RASGRP3: variants seen among roughly 807,000 people sequenced by gnomAD.
The protein encoded by RASGRP3 is ras guanyl-releasing protein 3.
RASGRP3 carries 54 observed loss-of-function variants against 82.7 expected under a neutral mutation model. The observed-to-expected ratio is 0.65, with a 90% confidence interval of 0.52 to 0.82. The LOEUF (loss-of-function observed/expected upper bound fraction) is 0.82, where lower values mean the gene tolerates loss of function less well. Ranked by LOEUF, RASGRP3 falls within the 40% of genes least tolerant of loss-of-function variation. The probability of loss-of-function intolerance (pLI) is 0.00; values close to 1 mark genes in which losing one functional copy is unlikely to be tolerated. For missense variants in RASGRP3, 861 were observed against 828.9 expected (o/e 1.04, Z -0.48); for synonymous variants, 309 against 300.5 (o/e 1.03, Z -0.29).
intron 1 of RASGRP3, chr2:33,482,712 T>C (rs1414971123): frequency 1.3e-5 from 2 of 152,344 alleles, no homozygotes; most frequent in African/African-American, 4.8e-5. Context: ...GTTCATTGTA[T>C]GACAGCATCA....
intron 2 of RASGRP3, among the ~76,000 whole-genome samples, chr2:33,460,966 C>T (rs1666329901): frequency 1.3e-5 from 2 of 152,240 alleles, no homozygotes; most frequent in South Asian, 4.1e-4. Flanking sequence ...ACCTATCAAA[C>T]TTCACTGCTT....
chr2:33,444,630 C>G (rs1270370255), intron 1 of RASGRP3, among the ~76,000 whole-genome samples: 2 of 152,114 alleles, frequency 1.3e-5, no homozygotes, highest in Non-Finnish European at 2.9e-5. Context: ...ACAGTCATCT[C>G]CATTCTGAAA....
chr2:33,477,600 A>G (rs139303483), intron 1 of RASGRP3, among the ~76,000 whole-genome samples: 316 of 152,332 alleles, frequency 2.1e-3, no homozygotes, highest in African/African-American at 7.3e-3. Context: ...ATTCAGCAGT[A>G]ATGGTGCTTG....
intron 1 of RASGRP3, among the ~76,000 whole-genome samples, chr2:33,444,889 G>A (rs1665423002): frequency 6.6e-6 from 1 of 152,100 alleles, no homozygotes; most frequent in South Asian, 2.1e-4. Flanking sequence ...TTAGGTATAG[G>A]AATAGATTCA....
At chr2:33,549,022 G>A (rs1355115019) in intron 13 of RASGRP3, among the ~76,000 whole-genome samples, 4 of 152,070 alleles carry the variant, frequency 2.6e-5, no homozygotes, top group Non-Finnish European at 2.9e-5. Flanking sequence ...AGAAGTCAGC[G>A]TATGTGGTGA....
rs758353940 is a variant in RASGRP3 at position 33,555,592 on chromosome 2, A to G, written c.1579+25A>G. ...GGTAAATCAATGTTATTTTGTTACA[A>G]TTTTTAAAATGTGACATTTTGGGTA... is the stretch of plus-strand genomic sequence containing the variant. On this transcript the variant is annotated intron_variant, in intron 15 of 17. Coordinates refer to ENST00000403687, the MANE Select transcript of RASGRP3 (RefSeq NM_001139488.2). 4.5e-6 allele frequency: 7 copies of G among 1,542,832 alleles called. No individual in the cohort carries two copies. In the Admixed American group the frequency reaches 5.4e-5, roughly 12 times the overall value.
Position 33,564,332 on chromosome 2 carries a change from A to AGTT in RASGRP3, c.*1596_*1598dup, listed in dbSNP as rs1398096324. 1 of 151,940 alleles carries AGTT rather than the reference A, an allele frequency of 6.6e-6. No homozygotes were observed. Among genetic ancestry groups the AGTT allele is most frequent in the African/African-American group, 2.4e-5 (1 of 41,426 alleles). The allele number at this position is 151,940 out of a possible 1,614,324, so 9.4% of individuals were successfully genotyped here. On this transcript the variant is annotated 3_prime_UTR_variant, in exon 18 of 18. Coordinates refer to ENST00000403687, the MANE Select transcript of RASGRP3 (RefSeq NM_001139488.2). ...ATTGGAAATACTGCAGATGATGTGA[A>AGTT]GTTATCAGTTGGAGGAGCTGTGATT... is the stretch of plus-strand genomic sequence containing the variant.
rs1355665411 is a variant in RASGRP3, at chr2:33,563,555, A to AAAT, written c.*820_*822dup. On this transcript the variant is annotated 3_prime_UTR_variant, in exon 18 of 18. Transcript: ENST00000403687. ...ATCTTTCTTAAGATTCCTGAAGTAG[A>AAAT]AATAGCAATTAAGAAATTAATTCAA... 2.6e-5 allele frequency: 4 copies of AAAT among 151,994 alleles called. No individual in the cohort carries two copies. The highest frequency in any genetic ancestry group is 4.2e-4 in the South Asian group (2 of 4,812). The allele number at this position is 151,994 out of a possible 1,614,324, so 9.4% of individuals were successfully genotyped here.
At chr2:33,519,356 C>T (rs1671781055) in intron 4 of RASGRP3, among the ~76,000 whole-genome samples, 1 of 152,188 alleles carries the variant, frequency 6.6e-6, no homozygotes, top group Middle Eastern at 3.2e-3. Flanking sequence ...GTGGCTCACA[C>T]CTGTAATCCC....
chr2:33,507,142 T>C (rs1191311700), intron 1 of RASGRP3, among the ~76,000 whole-genome samples: 3 of 152,202 alleles, frequency 2.0e-5, no homozygotes, highest in African/African-American at 7.2e-5. Flanking sequence ...ACACATGTAA[T>C]TCCAGCACTT....
chr2:33,532,419 A>T (rs1484538120), intron 10 of RASGRP3: 6 of 151,876 alleles, frequency 4.0e-5, no homozygotes, highest in Non-Finnish European at 8.8e-5. Flanking sequence ...ATTTTTTTTT[A>T]TTGTGGCGCT....
At chr2:33,527,096 G>A (rs756607086) in intron 9 of RASGRP3, 41 bp from the exon 10 acceptor site, 7 of 1,605,334 alleles carry the variant, frequency 4.4e-6, no homozygotes, top group Non-Finnish European at 5.1e-6. Context: ...TGTGCAGGAG[G>A]GAAAGTTGTT....
At chr2:33,449,372 G>A (rs750145797) in intron 2 of RASGRP3, among the ~76,000 whole-genome samples, 1 of 152,064 alleles carries the variant, frequency 6.6e-6, no homozygotes, top group Admixed American at 6.6e-5. Flanking sequence ...GACATAATAC[G>A]TTATACTATG....
At chr2:33,474,853 C>T (rs1041250188), upstream of RASGRP3, among the ~76,000 whole-genome samples, 1 of 152,192 alleles carries the variant, frequency 6.6e-6, no homozygotes, top group Non-Finnish European at 1.5e-5. Flanking sequence ...CAAGAATGGA[C>T]TAATACAACT....
Position 33,498,547 on chromosome 2 carries a change from C to A in RASGRP3, c.-260-13163C>A, listed in dbSNP as rs578213138. ...ATGTTCAGAACATGATAGTCCCTCT[C>A]TCCCCTTCAAAATGGTTTTGAGTGA... is the stretch of plus-strand genomic sequence containing the variant. On this transcript the variant is annotated intron_variant, in intron 1 of 17. Coordinates refer to ENST00000403687, the MANE Select transcript of RASGRP3 (RefSeq NM_001139488.2). Among the ~76,000 whole-genome samples the A allele has an allele frequency of 9.8e-5, 15 of 152,316 alleles. No individual in the cohort carries two copies. In the East Asian group the frequency reaches 2.7e-3, roughly 27 times the overall value.
chr2:33,466,113 A>T (rs1045647059), intron 2 of RASGRP3, among the ~76,000 whole-genome samples: 1 of 152,196 alleles, frequency 6.6e-6, no homozygotes, highest in Non-Finnish European at 1.5e-5. Context: ...CAGCTCATGG[A>T]TCAAGAAGTA....
chr2:33,488,992 A>G (rs765523635), intron 1 of RASGRP3, among the ~76,000 whole-genome samples: 1 of 151,834 alleles, frequency 6.6e-6, no homozygotes, highest in Non-Finnish European at 1.5e-5. Context: ...ATGTTATGGC[A>G]TCAGTCTATA....
In RASGRP3 at chr2:33,543,548, T is replaced by C. The variant is rs764726554; in HGVS notation, c.1315T>C (p.Tyr439His). The C allele has an allele frequency of 1.9e-6, 3 of 1,610,888 alleles. No individual in the cohort carries two copies. Among genetic ancestry groups the C allele is most frequent in the Non-Finnish European group, 2.5e-6 (3 of 1,177,446 alleles). Residue 439 changes from tyrosine (Y) to histidine (H), a missense_variant, in exon 13 of 18, where the codon TAC (tyrosine) becomes CAC (histidine). Physicochemically the swap from Tyr to His is moderately conservative, Grantham distance 83. Transcript: ENST00000403687. ...FRNYDHDHDGYISQEDFESIA... is the reference protein window; with the variant it reads ...FRNYDHDHDGHISQEDFESIA... ...AAACTATGATCACGACCATGATGGG[T>C]ACATTTCCCAAGAGGACTTTGAAAG... is the stretch of plus-strand genomic sequence containing the variant.
At chr2:33,494,955 T>C (rs1162196276) in intron 1 of RASGRP3, among the ~76,000 whole-genome samples, 1 of 152,248 alleles carries the variant, frequency 6.6e-6, no homozygotes, top group African/African-American at 2.4e-5. Context: ...AAATTTACTT[T>C]CTTGTTCAGG....
Sources: allele counts gnomAD v4.1 joint callset (sites outside exome capture counted in the v4.1 genomes callset), GRCh38; gene constraint gnomAD v4.1.1; transcripts MANE v1.5; gene names NCBI Gene and HGNC (gene_info 2026-07-23, HGNC 2026-07-21).